ZNF385D: variants seen among roughly 807,000 people sequenced by gnomAD.
The protein encoded by ZNF385D is zinc finger protein 385D, also known as zinc finger protein 659.
ZNF385D carries 15 observed loss-of-function variants against 35.8 expected under a neutral mutation model. The observed-to-expected ratio is 0.42, with a 90% CI of 0.28 to 0.64. The LOEUF is 0.64. ZNF385D is among the 30% of genes least tolerant of loss of function. The pLI is 0.23. For synonymous variants in ZNF385D, 212 were observed against 186.8 expected (o/e 1.13, Z -1.10); for missense variants, 474 against 494.6 (o/e 0.96, Z 0.39).
chr3:22,344,968 T>C (rs1575163340), intron 2 of ZNF385D, among the ~76,000 whole-genome samples: 2 of 152,166 alleles, frequency 1.3e-5, no homozygotes, highest in South Asian at 4.1e-4. Flanking sequence ...AAATTTCTAC[T>C]TTTTCATGCT....
chr3:21,473,455 G>A (rs1158598800), intron 4 of ZNF385D, among the ~76,000 whole-genome samples: 3 of 152,006 alleles, frequency 2.0e-5, no homozygotes, highest in African/African-American at 4.8e-5. Flanking sequence ...GGAAGGATCT[G>A]GTTTGTCTGG....
intron 2 of ZNF385D, among the ~76,000 whole-genome samples, chr3:22,212,729 T>C (rs1321252885): frequency 6.6e-6 from 1 of 152,002 alleles, no homozygotes; most frequent in African/African-American, 2.4e-5. Flanking sequence ...AGCCTGTTTT[T>C]AAAAAATAAT....
intron 3 of ZNF385D, among the ~76,000 whole-genome samples, chr3:22,153,586 C>T (rs1254028484): frequency 6.6e-6 from 1 of 151,536 alleles, no homozygotes; most frequent in Non-Finnish European, 1.5e-5. Flanking sequence ...GTCTCAGCCT[C>T]CTGAGTAGCT....
intron 1 of ZNF385D, among the ~76,000 whole-genome samples, chr3:21,747,965 C>A (rs1025941744): frequency 2.0e-5 from 3 of 152,026 alleles, no homozygotes; most frequent in African/African-American, 7.2e-5. Flanking sequence ...TACAGTAAAT[C>A]CCACTCAGGT....
exon 2 of ZNF385D, chr3:22,372,508 G>A (rs1364109949): frequency 2.0e-6 from 2 of 985,762 alleles, no homozygotes; most frequent in Admixed American, 1.2e-4. Context: ...CTCCCACCGA[G>A]CTCTTCATTC....
At chr3:21,896,841 TTAAAC>T (rs983930864) in intron 3 of ZNF385D, among the ~76,000 whole-genome samples, 1 of 151,736 alleles carries the variant, frequency 6.6e-6, no homozygotes, top group Non-Finnish European at 1.5e-5. Flanking sequence ...TTTTAAATGC[TTAAAC>T]TAGACAGAGG....
At chr3:22,341,128 G>A (rs902827895) in intron 2 of ZNF385D, among the ~76,000 whole-genome samples, 9 of 152,152 alleles carry the variant, frequency 5.9e-5, no homozygotes, top group Non-Finnish European at 1.2e-4. Context: ...AAGATTTCAA[G>A]AAAGTTTATT....
chr3:21,836,847 G>C (rs552209690), intron 3 of ZNF385D, among the ~76,000 whole-genome samples: 2 of 152,130 alleles, frequency 1.3e-5, no homozygotes, highest in South Asian at 2.1e-4. Context: ...CGCTGCCGTA[G>C]ACCCACCCCA....
At chr3:21,449,412 T>C (rs1257474568) in intron 4 of ZNF385D, among the ~76,000 whole-genome samples, 1 of 152,206 alleles carries the variant, frequency 6.6e-6, no homozygotes, top group African/African-American at 2.4e-5. Flanking sequence ...GCCCATTTGA[T>C]ATAAATAGAA....
chr3:22,037,331 G>C (rs1353724809), intron 3 of ZNF385D, among the ~76,000 whole-genome samples: 6 of 149,032 alleles, frequency 4.0e-5, no homozygotes, highest in Admixed American at 2.7e-4. Flanking sequence ...CCCACCAACA[G>C]TGTAAAAGTG....
intron 2 of ZNF385D, among the ~76,000 whole-genome samples, chr3:22,205,887 C>T (rs893336498): frequency 6.6e-6 from 1 of 151,848 alleles, no homozygotes; most frequent in African/African-American, 2.4e-5. Context: ...AGCCAAATGG[C>T]GGGAGCAAGT....
chr3:21,869,091 G>C (rs1697546808), intron 3 of ZNF385D, among the ~76,000 whole-genome samples: 1 of 152,020 alleles, frequency 6.6e-6, no homozygotes, highest in East Asian at 1.9e-4. Flanking sequence ...TTCTACAAAA[G>C]TTGTATGCTG....
At chr3:22,100,195 G>A (rs957977185) in intron 3 of ZNF385D, among the ~76,000 whole-genome samples, 1 of 143,970 alleles carries the variant, frequency 6.9e-6, no homozygotes, top group East Asian at 2.0e-4. Context: ...AGGTGCTGGA[G>A]AGGATGTGGA....
chr3:21,913,057 G>A (rs1700036257), intron 3 of ZNF385D, among the ~76,000 whole-genome samples: 1 of 151,982 alleles, frequency 6.6e-6, no homozygotes, highest in South Asian at 2.1e-4. Flanking sequence ...GATCACTCTG[G>A]GCAAGGGTTC....
intron 3 of ZNF385D, among the ~76,000 whole-genome samples, chr3:21,785,981 G>T (rs543069414): frequency 7.4e-4 from 112 of 151,878 alleles, no homozygotes; most frequent in African/African-American, 2.6e-3. Context: ...AAAGCAGGAA[G>T]TGTGGAGCAT....
intron 3 of ZNF385D, among the ~76,000 whole-genome samples, chr3:21,527,535 T>C (rs1708297888): frequency 6.6e-6 from 1 of 152,214 alleles, no homozygotes; most frequent in African/African-American, 2.4e-5. Context: ...TTATTGGTTA[T>C]CTTTAAAATA....
chr3:21,718,420 A>G (rs1021586798), intron 1 of ZNF385D, among the ~76,000 whole-genome samples: 2 of 152,252 alleles, frequency 1.3e-5, no homozygotes, highest in Non-Finnish European at 2.9e-5. Flanking sequence ...TTAGTCAGCC[A>G]TCTGTAGCCA....
At chr3:22,286,973 T>A (rs77597306) in intron 2 of ZNF385D, among the ~76,000 whole-genome samples, 6,698 of 152,130 alleles carry the variant, frequency 0.044, 196 homozygotes, top group African/African-American at 0.074. Context: ...GAAAGTAGGA[T>A]GTTGATCCCC....
chr3:22,337,487 T>C (rs1430560231), intron 2 of ZNF385D, among the ~76,000 whole-genome samples: 1 of 152,096 alleles, frequency 6.6e-6, no homozygotes, highest in African/African-American at 2.4e-5. Context: ...TGACCCGAGA[T>C]TGCGCCACTG....
Sources: gnomAD v4.1 joint callset for allele counts (sites outside exome capture counted in the v4.1 genomes callset) on GRCh38, gnomAD v4.1.1 for gene constraint, MANE v1.5 for transcripts, NCBI Gene and HGNC (gene_info 2026-07-23, HGNC 2026-07-21) for gene names.